ZNF729: variants seen among roughly 807,000 people sequenced by gnomAD.
ZNF729 encodes zinc finger protein 729.
ZNF729 carries 15 observed loss-of-function variants against 12.2 expected under a neutral mutation model. That is an observed-to-expected ratio of 1.23 (90% CI 0.82 to 1.89). ZNF729 has a LOEUF of 1.89. Ranked by LOEUF, ZNF729 falls within the 40% of genes most tolerant of loss-of-function variation. The pLI is 0.00. For synonymous variants in ZNF729, 492 were observed against 476.3 expected, an observed-to-expected ratio of 1.03 and a Z score of -0.43; for missense variants, 1,540 against 1,456.7, an observed-to-expected ratio of 1.06 and a Z score of -0.93.
intron 3 of ZNF729, among the ~76,000 whole-genome samples, chr19:22,312,134 A>G (rs1968457652): frequency 6.6e-6 from 1 of 151,894 alleles, no homozygotes; most frequent in Admixed American, 6.6e-5. Flanking sequence ...AATTTTTTAT[A>G]GTGATCTGTG....
chr19:22,294,122 A>T (rs1301853920), intron 1 of ZNF729, among the ~76,000 whole-genome samples: 1 of 152,192 alleles, frequency 6.6e-6, no homozygotes, highest in Non-Finnish European at 1.5e-5. Context: ...TAAGGCTTTA[A>T]TTCATCTTGA....
intron 1 of ZNF729, chr19:22,299,860 C>G (rs1395832658): frequency 6.6e-6 from 1 of 152,328 alleles, no homozygotes; most frequent in East Asian, 1.9e-4. Context: ...GCTTCCCTCT[C>G]TGGGGTGACA....
intron 3 of ZNF729, among the ~76,000 whole-genome samples, chr19:22,307,583 A>G (rs1468829705): frequency 1.3e-5 from 2 of 151,240 alleles, no homozygotes; most frequent in Non-Finnish European, 1.5e-5. Flanking sequence ...GTCTCTACTA[A>G]AAATACAAAA....
At chr19:22,309,302 A>G (rs1264124547) in intron 3 of ZNF729, among the ~76,000 whole-genome samples, 1 of 152,076 alleles carries the variant, frequency 6.6e-6, no homozygotes, top group Non-Finnish European at 1.5e-5. Flanking sequence ...AAAATTAGCC[A>G]GGTGCAGTGG....
At chr19:22,301,661 C>T (rs964088907) in intron 1 of ZNF729, among the ~76,000 whole-genome samples, 1,442 of 149,824 alleles carry the variant, frequency 9.6e-3, no homozygotes, top group South Asian at 0.014. Context: ...GTGAGATTTT[C>T]AGATCTTTTC....
Position 22,314,356 on chromosome 19 carries a change from T to A in ZNF729, c.939T>A (p.Ile313=). ...GSSNFNAHKV[I]HTAEKPYKCE... ...CAAATTTTAATGCACATAAGGTAATTCATACTGCAGAGAAACCCTACAAAT... is the reference window on the plus strand; with the variant it reads ...CAAATTTTAATGCACATAAGGTAATACATACTGCAGAGAAACCCTACAAAT... The change falls in exon 4 of 4, where the codon ATT becomes ATA. Residue 313 remains isoleucine, a synonymous_variant. Transcript: ENST00000601693. The A allele has an allele frequency of 6.3e-7, 1 of 1,587,544 alleles. No individual in the cohort carries two copies.
chr19:22,307,845 C>A (rs1409571169), intron 3 of ZNF729, among the ~76,000 whole-genome samples: 1 of 37,340 alleles, frequency 2.7e-5, no homozygotes, highest in Non-Finnish European at 6.0e-5. Flanking sequence ...AACCTGTATA[C>A]TACTTTATTT....
chr19:22,290,113 T>A (rs1443779827), intron 1 of ZNF729, among the ~76,000 whole-genome samples: 2 of 152,240 alleles, frequency 1.3e-5, no homozygotes, highest in African/African-American at 4.8e-5. Context: ...GACTCTAAGC[T>A]AAGGCTAATA....
At chr19:22,311,296 G>C (rs1968447370) in intron 3 of ZNF729, among the ~76,000 whole-genome samples, 1 of 151,880 alleles carries the variant, frequency 6.6e-6, no homozygotes. Context: ...GAGTGTCTGT[G>C]TTCTTTCAGA....
chr19:22,295,602 G>T (rs1251662318), intron 1 of ZNF729, among the ~76,000 whole-genome samples: 1 of 152,042 alleles, frequency 6.6e-6, no homozygotes, highest in East Asian at 1.9e-4. Flanking sequence ...GGGTTTCACC[G>T]TGTTAGCCAG....
chr19:22,317,064 C>T lies in ZNF729; in HGVS notation c.3647C>T (p.Thr1216Ile), dbSNP rs777855358. The change falls in exon 4 of 4, where the codon ACA becomes ATA. Residue 1216 changes from threonine to isoleucine, a missense_variant. Thr to Ile is a moderately conservative substitution (Grantham distance 89). Transcript: ENST00000601693. ...ACAATTCATACCAGAGAGAAACCTA[C>T]AAATGTGAAGAAAGTACCAAAGCTT... ...HKTIHTREKPTNVKKVPKLLS... is the reference protein window; with the variant it reads ...HKTIHTREKPINVKKVPKLLS... 1 of 1,605,344 alleles carries T rather than the reference C, an allele frequency of 6.2e-7. No homozygotes were observed. The highest frequency in any genetic ancestry group is 1.7e-5 in the Admixed American group (1 of 58,804).
intron 1 of ZNF729, among the ~76,000 whole-genome samples, chr19:22,292,796 G>C (rs1043827259): frequency 6.6e-6 from 1 of 152,150 alleles, no homozygotes; most frequent in African/African-American, 2.4e-5. Context: ...TTGATTCCAT[G>C]TCTTTGCTAT....
chr19:22,296,283 A>G (rs1382444996), intron 1 of ZNF729, among the ~76,000 whole-genome samples: 3 of 152,244 alleles, frequency 2.0e-5, no homozygotes, highest in African/African-American at 4.8e-5. Context: ...TAGGCTATTT[A>G]TTACTTATTC....
At position 22,314,842 on chromosome 19, in the gene ZNF729, T is replaced by C. The variant is rs1231685039; in HGVS notation, c.1425T>C (p.Leu475=). Reference sequence around the variant, plus strand: ...AAGCTTTTAGGCAATCCTCACACCTTACTAGACATAAAGCAATTCATACTG... The same window carrying C: ...AAGCTTTTAGGCAATCCTCACACCTCACTAGACATAAAGCAATTCATACTG... ...CGKAFRQSSH[L]TRHKAIHTGE... Residue 475 remains leucine (L), a synonymous_variant, in exon 4 of 4, where the codon CTT becomes CTC. Transcript: ENST00000601693. The C allele has an allele frequency of 6.2e-7, 1 of 1,613,098 alleles. No individual in the cohort carries two copies. Among genetic ancestry groups the C allele is most frequent in the Non-Finnish European group, 8.5e-7 (1 of 1,179,776 alleles).
At chr19:22,289,387 G>A (rs1367503887) in intron 1 of ZNF729, among the ~76,000 whole-genome samples, 5 of 151,762 alleles carry the variant, frequency 3.3e-5, no homozygotes, top group Non-Finnish European at 5.9e-5. Context: ...CACCACACCC[G>A]GCTAATTTTT....
intron 1 of ZNF729, among the ~76,000 whole-genome samples, chr19:22,286,979 A>G (rs1405221949): frequency 4.6e-5 from 7 of 152,244 alleles, no homozygotes; most frequent in Non-Finnish European, 7.3e-5. Context: ...AAAGTAATAA[A>G]TAATTTAATC....
chr19:22,287,532 GC>G (rs1168045713), intron 1 of ZNF729, among the ~76,000 whole-genome samples: 3 of 152,094 alleles, frequency 2.0e-5, no homozygotes, highest in African/African-American at 7.2e-5. Flanking sequence ...CTCCTAAAGT[GC>G]TGGGTTTACA....
At position 22,303,702 on chromosome 19, in the gene ZNF729, A is replaced by T. The variant is rs547057752; in HGVS notation, c.31-56A>T. 738 of 1,469,518 alleles carry T rather than the reference A, an allele frequency of 5.0e-4. 4 individuals are homozygous for T. The South Asian group carries it at 6.5e-3, about 13-fold the overall frequency. 91.0% of individuals were successfully genotyped at this position (1,469,518 alleles called of 1,614,324 possible). On this transcript the variant is annotated intron_variant, in intron 1 of 3. Transcript: ENST00000601693. ...CATTTCACCTTGAGTCAAATTAAAAATTTCTGCCCATGGCCACTTGGGAAA... is the reference window on the plus strand; with the variant it reads ...CATTTCACCTTGAGTCAAATTAAAATTTTCTGCCCATGGCCACTTGGGAAA...
chr19:22,304,740 G>A lies in ZNF729; in HGVS notation c.210G>A (p.Glu70=). The change falls in exon 3 of 4, where the codon GAG becomes GAA. Residue 70 remains glutamate (E), a synonymous_variant. Transcript: ENST00000601693. ...DLITCLKQGK[E]PWNMKRHEMV... ...TAACTTGTCTGAAGCAAGGGAAAGA[G>A]CCTTGGAATATGAAGAGACATGAGA... 3 of 1,613,452 alleles carry A rather than the reference G, an allele frequency of 1.9e-6. No homozygotes were observed. The highest frequency in any genetic ancestry group is 2.5e-6 in the Non-Finnish European group (3 of 1,179,732).
Sources: allele counts gnomAD v4.1 joint callset (sites outside exome capture counted in the v4.1 genomes callset), GRCh38; gene constraint gnomAD v4.1.1; transcripts MANE v1.5; gene names NCBI Gene and HGNC (gene_info 2026-07-23, HGNC 2026-07-21).